ZNF469: variants seen among roughly 807,000 people sequenced by gnomAD.
The protein encoded by ZNF469 is zinc finger protein 469.
ZNF469 carries 1 observed loss-of-function variant against 1.0 expected under a neutral mutation model. The observed-to-expected ratio is 1.00, with a 90% CI of 0.35 to 4.73. The LOEUF (loss-of-function observed/expected upper bound fraction) is 4.73, where lower values mean the gene tolerates loss of function less well. Among genes scored for constraint, ZNF469 ranks in the 30% most tolerant of loss-of-function variants. The pLI, the probability that ZNF469 is intolerant of heterozygous loss-of-function variation, is 0.16. For missense variants in ZNF469, 6,100 were observed against 5,356.3 expected (o/e 1.14, Z -4.33); for synonymous variants, 2,703 against 2,363.4 (o/e 1.14, Z -4.17).
the ZNF469 span, among the ~76,000 whole-genome samples, chr16:88,271,933 G>A: frequency 6.6e-6 from 1 of 152,108 alleles, no homozygotes; most frequent in Non-Finnish European, 1.5e-5. Context: ...GGGTAGATGA[G>A]TGGGTGGATG....
At chr16:88,155,668 T>C in the ZNF469 span, among the ~76,000 whole-genome samples, 5 of 152,216 alleles carry the variant, frequency 3.3e-5, no homozygotes, top group Admixed American at 2.0e-4. Context: ...TCATATTCCA[T>C]GGTGTGGATG....
chr16:88,244,760 T>G, the ZNF469 span, among the ~76,000 whole-genome samples: 1 of 111,724 alleles, frequency 9.0e-6, no homozygotes, highest in African/African-American at 5.0e-5. Context: ...TAAACAGAGG[T>G]ATGGCTGGGT....
the ZNF469 span, chr16:88,276,679 C>G: frequency 6.6e-6 from 1 of 152,192 alleles, no homozygotes; most frequent in Admixed American, 6.5e-5. Flanking sequence ...AGACAGTGCA[C>G]GAGTTAGTAC....
Position 88,394,571 on chromosome 16 carries a change from G to A in ZNF469, c.-192+11317G>A, listed in dbSNP as rs1187708754. Among the ~76,000 whole-genome samples, 2 of 152,324 alleles carry A rather than the reference G, an allele frequency of 1.3e-5. 1 individual carries two copies. Among genetic ancestry groups the A allele is most frequent in the South Asian group, 4.1e-4 (2 of 4,828 alleles). On this transcript the variant is annotated intron_variant, in intron 1 of 2. Transcript: ENST00000565624. ...CGTGGCCAGGCACCTTGAAGGACAG[G>A]CCTGTGGGGTGTGAGGTGGGGCTGA...
At chr16:88,289,172 TGAG>T in the ZNF469 span, among the ~76,000 whole-genome samples, 1 of 151,132 alleles carries the variant, frequency 6.6e-6, no homozygotes, top group Admixed American at 6.6e-5. Context: ...ATGATGATGA[TGAG>T]GGTGTTGATG....
chr16:88,152,522 G>C, the ZNF469 span, among the ~76,000 whole-genome samples: 31 of 152,178 alleles, frequency 2.0e-4, no homozygotes, highest in African/African-American at 6.3e-4. The surrounding 1 kb of genome is among the most constrained non-coding windows in gnomAD (Gnocchi z 4.2). Flanking sequence ...ATGCCTCTCT[G>C]TGGAATCTGT....
chr16:88,117,573 C>CGGACCGTGGAGGTGCGACGTGCCTTCGG, the ZNF469 span, among the ~76,000 whole-genome samples: 1 of 22,200 alleles, frequency 4.5e-5, no homozygotes, highest in African/African-American at 2.0e-4. Context: ...CGTGCCTTCA[C>CGGACCGTGGAGGTGCGACGTGCCTTCGG]GGACCGTGGA....
At chr16:88,207,367 C>G in the ZNF469 span, among the ~76,000 whole-genome samples, 2 of 7,426 alleles carry the variant, frequency 2.7e-4, no homozygotes, top group Admixed American at 1.6e-3. Flanking sequence ...GGGGAGGCCG[C>G]GGGGACGGAG....
At chr16:88,185,772 G>A in the ZNF469 span, among the ~76,000 whole-genome samples, 22 of 59,646 alleles carry the variant, frequency 3.7e-4, no homozygotes, top group Admixed American at 8.0e-4. Flanking sequence ...AGACACATTC[G>A]CACACTCACA....
the ZNF469 span, among the ~76,000 whole-genome samples, chr16:88,130,080 G>A: frequency 6.6e-6 from 1 of 152,186 alleles, no homozygotes; most frequent in African/African-American, 2.4e-5. Flanking sequence ...GGACTAAACC[G>A]AATGCGTGGG....
chr16:88,364,857 T>A, the ZNF469 span, among the ~76,000 whole-genome samples: 6 of 151,998 alleles, frequency 3.9e-5, no homozygotes, highest in African/African-American at 1.2e-4. Context: ...CCCATCTACT[T>A]GAGAGGCTGA....
At chr16:88,268,857 G>A in the ZNF469 span, among the ~76,000 whole-genome samples, 1 of 152,202 alleles carries the variant, frequency 6.6e-6, no homozygotes, top group African/African-American at 2.4e-5. Context: ...CCCATGAGCT[G>A]TGGGACACCA....
At chr16:88,386,099 T>TTCTTCCCAGCGCCCTCCCCA (rs1567497436) in intron 1 of ZNF469, among the ~76,000 whole-genome samples, 4 of 152,152 alleles carry the variant, frequency 2.6e-5, no homozygotes, top group Non-Finnish European at 5.9e-5. Context: ...CTTCCCCATC[T>TTCTTCCCAGCGCCCTCCCCA]TCTTCCCAGC....
chr16:88,286,843 A>G, the ZNF469 span, among the ~76,000 whole-genome samples: 1 of 152,140 alleles, frequency 6.6e-6, no homozygotes, highest in African/African-American at 2.4e-5. Flanking sequence ...GCATCCATCC[A>G]GGTCACATGA....
chr16:88,435,220 G>A lies in ZNF469; in HGVS notation c.7750G>A (p.Asp2584Asn). The A allele has an allele frequency of 6.4e-7, 1 of 1,550,402 alleles. No individual in the cohort carries two copies. Among genetic ancestry groups the A allele is most frequent in the Non-Finnish European group, 8.7e-7 (1 of 1,147,000 alleles). Residue 2584 changes from aspartate (D) to asparagine (N), a missense_variant, in exon 3 of 3, where the codon GAT (aspartate) becomes AAT (asparagine). Asp to Asn is a conservative substitution (Grantham distance 23). Coordinates refer to ENST00000565624, the MANE Select transcript of ZNF469 (RefSeq NM_001367624.2). ...TCCAAGCCCTACTGAGCATGAGGTA[G>A]ATGTGAAGACTCCGGCCTCCAAGCC... is the stretch of plus-strand genomic sequence containing the variant. The part of the protein sequence containing the change: ...HPPSPTEHEV[D>N]VKTPASKPRP...
chr16:88,199,254 AC>A, the ZNF469 span, among the ~76,000 whole-genome samples: 1 of 152,200 alleles, frequency 6.6e-6, no homozygotes, highest in Non-Finnish European at 1.5e-5. Context: ...CTGCCCTGGC[AC>A]CCGACAACCC....
At chr16:88,368,132 C>G in the ZNF469 span, among the ~76,000 whole-genome samples, 1 of 152,252 alleles carries the variant, frequency 6.6e-6, no homozygotes, top group African/African-American at 2.4e-5. Context: ...CAAGCCTGCT[C>G]CCTCAGCTGA....
the ZNF469 span, among the ~76,000 whole-genome samples, chr16:88,185,916 ATT>A: frequency 6.6e-6 from 1 of 152,094 alleles, no homozygotes; most frequent in Non-Finnish European, 1.5e-5. Context: ...AGACACACAC[ATT>A]CACACTCTCA....
At position 88,433,997 on chromosome 16, in the gene ZNF469, A is replaced by T; in HGVS notation, c.6527A>T (p.Glu2176Val). 5 of 1,550,222 alleles carry T rather than the reference A, an allele frequency of 3.2e-6. No homozygotes were observed. Among genetic ancestry groups the T allele is most frequent in the African/African-American group, 1.4e-5 (1 of 73,154 alleles). The part of the protein sequence containing the change: ...LACSPAWAPL[E>V]EADGVQATTD... Reference sequence around the variant, plus strand: ...TGTTCTCCTGCCTGGGCACCTCTGGAAGAGGCAGATGGCGTCCAAGCCACG... The same window carrying T: ...TGTTCTCCTGCCTGGGCACCTCTGGTAGAGGCAGATGGCGTCCAAGCCACG... The change falls in exon 3 of 3, where the codon GAA (glutamate) becomes GTA (valine). Residue 2176 changes from glutamate (E) to valine (V), a missense_variant. Coordinates refer to ENST00000565624, the MANE Select transcript of ZNF469 (RefSeq NM_001367624.2).
Sources: allele counts gnomAD v4.1 joint callset (sites outside exome capture counted in the v4.1 genomes callset), GRCh38; gene constraint gnomAD v4.1.1; non-coding constraint Gnocchi (gnomAD v3.1); transcripts MANE v1.5; gene names NCBI Gene and HGNC (gene_info 2026-07-23, HGNC 2026-07-21).